POLR3H: variants seen among roughly 807,000 people sequenced by gnomAD.
POLR3H encodes RNA polymerase III subunit H.
Under a neutral mutation model 25.5 loss-of-function variants are expected in POLR3H, and 17 were observed. The observed-to-expected ratio is 0.67, with a 90% CI of 0.46 to 1.00. The LOEUF (loss-of-function observed/expected upper bound fraction) is 1.00, where lower values mean the gene tolerates loss of function less well. POLR3H is among the 50% of genes least tolerant of loss of function. POLR3H has a pLI of 0.00. For missense variants in POLR3H, 274 were observed against 265.0 expected, an observed-to-expected ratio of 1.03 and a Z score of -0.24; for synonymous variants, 129 against 103.0, an observed-to-expected ratio of 1.25 and a Z score of -1.53.
Position 41,527,234 on chromosome 22 carries a change from G to C in POLR3H, c.*2049C>G. ...GAGGCCAGGCAGGTAGGGCCAGACA[G>C]GTGAGGACGGTGCCCTCCTCTGCCT... On this transcript the variant is annotated 3_prime_UTR_variant, in exon 6 of 6. Transcript: ENST00000355209. 6.2e-7 allele frequency: 1 copy of C among 1,613,494 alleles called. No individual in the cohort carries two copies. The highest frequency in any genetic ancestry group is 8.5e-7 in the Non-Finnish European group (1 of 1,179,782).
Position 41,528,494 on chromosome 22 carries a change from A to G in POLR3H, c.*789T>C, listed in dbSNP as rs749666828. 27 of 1,612,172 alleles carry G rather than the reference A, an allele frequency of 1.7e-5. No homozygotes were observed. In the South Asian group the frequency reaches 2.7e-4, roughly 16 times the overall value. ...CTCCTTGCAGCCCCTGAAGTGCATC[A>G]TCAAGCACCCCAACGGGACCCAGGA... On this transcript the variant is annotated 3_prime_UTR_variant, in exon 6 of 6. Transcript: ENST00000355209.
At chr22:41,533,986 A>G (rs996463435) in intron 2 of POLR3H, among the ~76,000 whole-genome samples, 13 of 152,094 alleles carry the variant, frequency 8.5e-5, no homozygotes, top group African/African-American at 3.1e-4. Context: ...CAAAATACAA[A>G]AATTAGCCGG....
At chr22:41,539,689 C>T (rs969210081) in intron 2 of POLR3H, 1 of 152,346 alleles carries the variant, frequency 6.6e-6, no homozygotes, top group African/African-American at 2.4e-5. Context: ...AGTACTTACG[C>T]ACTGAACTTT....
intron 1 of POLR3H, among the ~76,000 whole-genome samples, chr22:41,541,416 A>G (rs1409258535): frequency 1.3e-5 from 2 of 152,190 alleles, no homozygotes; most frequent in Non-Finnish European, 2.9e-5. Context: ...ATGTGCAGAA[A>G]TCCCATGCCC....
At position 41,527,540 on chromosome 22, in the gene POLR3H, C is replaced by T. The variant is rs557670430; in HGVS notation, c.*1743G>A. 1,017 of 1,373,874 alleles carry T rather than the reference C, an allele frequency of 7.4e-4. 9 individuals are homozygous for T. The African/African-American group carries it at 0.013, about 18-fold the overall frequency. The allele number at this position is 1,373,874 out of a possible 1,614,324, so 85.1% of individuals were successfully genotyped here. On this transcript the variant is annotated 3_prime_UTR_variant, in exon 6 of 6. Coordinates refer to ENST00000355209, the MANE Select transcript of POLR3H (RefSeq NM_001018050.4). ...CTGTGTCCACTGCAGCCCACAGGCC[C>T]GTCAGCCTCTTGCCCCTTCTTAGGC...
intron 2 of POLR3H, among the ~76,000 whole-genome samples, chr22:41,533,899 G>A (rs1174601028): frequency 6.6e-6 from 1 of 152,210 alleles, no homozygotes; most frequent in East Asian, 1.9e-4. Flanking sequence ...GGCACTTTGG[G>A]AGGCCGAGGT....
At position 41,532,106 on chromosome 22, in the gene POLR3H, T is replaced by C; in HGVS notation, c.347A>G (p.Gln116Arg). 6.2e-7 allele frequency: 1 copy of C among 1,614,070 alleles called. No homozygotes were observed. Among genetic ancestry groups the C allele is most frequent in the Non-Finnish European group, 8.5e-7 (1 of 1,179,960 alleles). ...CCTTGGAGGATACAACTTGGCTGGC[T>C]GCTGCAGTGACTCTGGGGGGATGAG... ...DILIPPESLQ[Q>R]PAKFDEAEQV... The change falls in exon 4 of 6, where the codon CAG becomes CGG. Residue 116 changes from glutamine (Q) to arginine (R), a missense_variant. By Grantham distance (43) the Gln-to-Arg change is conservative. Transcript: ENST00000355209.
Position 41,543,988 on chromosome 22 carries a change from T to C in POLR3H, c.111+3A>G, listed in dbSNP as rs1435475741. ...GCCTGCCCGCGAGCCGTGGGCCCAG[T>C]ACCTTGTTGGCCAACTTCTTGTTCA... On this transcript the variant is annotated splice_donor_region_variant and intron_variant, in intron 1 of 5. Coordinates refer to ENST00000355209, the MANE Select transcript of POLR3H (RefSeq NM_001018050.4). The C allele has an allele frequency of 6.2e-7, 1 of 1,609,214 alleles. No individual in the cohort carries two copies. The highest frequency in any genetic ancestry group is 8.5e-7 in the Non-Finnish European group (1 of 1,175,786).
At chr22:41,533,306 A>G (rs1400650563) in intron 2 of POLR3H, among the ~76,000 whole-genome samples, 1 of 152,190 alleles carries the variant, frequency 6.6e-6, no homozygotes, top group Non-Finnish European at 1.5e-5. Context: ...CTCTGACCCC[A>G]GGCCCTGGCA....
Position 41,543,939 on chromosome 22 carries a change from C to T in POLR3H, c.111+52G>A, listed in dbSNP as rs371924291. On this transcript the variant is annotated intron_variant, in intron 1 of 5. Coordinates refer to ENST00000355209, the MANE Select transcript of POLR3H (RefSeq NM_001018050.4). The stretch of plus-strand genomic sequence containing the variant: ...CGAGGCCGGGCCTGCGGCCAGTGGG[C>T]GGCGCTCGCTCTCCCACGCCAAGGC... The T allele has an allele frequency of 5.5e-5, 75 of 1,360,240 alleles. No individual in the cohort carries two copies. In the African/African-American group the frequency reaches 8.7e-4, roughly 16 times the overall value. 84.3% of individuals were successfully genotyped at this position (1,360,240 alleles called of 1,614,324 possible).
At chr22:41,543,613 T>A (rs1045565264) in intron 1 of POLR3H, 1 of 373,632 alleles carries the variant, frequency 2.7e-6, no homozygotes, top group Non-Finnish European at 5.2e-6. Flanking sequence ...AGAGCAAGAC[T>A]CCGTCTCAAA....
chr22:41,527,279 G>C lies in POLR3H; in HGVS notation c.*2004C>G, dbSNP rs746996142. Reference sequence around the variant, plus strand: ...CTGCCTTATAACCTTACCCCCGCTTGCCTGACAGAAACATGGCATCAGGTG... The same window carrying C: ...CTGCCTTATAACCTTACCCCCGCTTCCCTGACAGAAACATGGCATCAGGTG... On this transcript the variant is annotated 3_prime_UTR_variant, in exon 6 of 6. Coordinates refer to ENST00000355209, the MANE Select transcript of POLR3H (RefSeq NM_001018050.4). 1.4e-5 allele frequency: 23 copies of C among 1,614,176 alleles called. No homozygotes were observed. In the South Asian group the frequency reaches 2.3e-4, roughly 16 times the overall value.
At chr22:41,529,946 G>A (rs1192448094) in intron 5 of POLR3H, among the ~76,000 whole-genome samples, 3 of 151,674 alleles carry the variant, frequency 2.0e-5, no homozygotes, top group Non-Finnish European at 2.9e-5. Context: ...TAGTAGAGAT[G>A]GGGTTTCACC....
Position 41,526,450 on chromosome 22 carries a change from C to A in POLR3H, c.*2833G>T, listed in dbSNP as rs780679330. 6.2e-7 allele frequency: 1 copy of A among 1,610,840 alleles called. No homozygotes were observed. Among genetic ancestry groups the A allele is most frequent in the Admixed American group, 1.7e-5 (1 of 59,910 alleles). ...CCGTCCCTGACACTGCCCGCTACTA[C>A]AAGGTGGGTCAGAGTTGATAGGGGC... On this transcript the variant is annotated 3_prime_UTR_variant, in exon 6 of 6. Transcript: ENST00000355209.
chr22:41,529,965 C>T (rs371984851), intron 5 of POLR3H, among the ~76,000 whole-genome samples: 7 of 151,936 alleles, frequency 4.6e-5, no homozygotes, highest in South Asian at 2.1e-4. Flanking sequence ...CCGTGTTAGC[C>T]AGGATGGTCT....
In POLR3H at chr22:41,527,590, AGCTTCCCG is replaced by A. The variant is rs1343268964; in HGVS notation, c.*1685_*1692del. 4 of 993,108 alleles carry A rather than the reference AGCTTCCCG, an allele frequency of 4.0e-6. No homozygotes were observed. The highest frequency in any genetic ancestry group is 2.6e-5 in the East Asian group (1 of 38,508). The allele number at this position is 993,108 out of a possible 1,614,324, so 61.5% of individuals were successfully genotyped here. On this transcript the variant is annotated 3_prime_UTR_variant, in exon 6 of 6. Transcript: ENST00000355209. ...CTCACACAGTGCACATCCGACGCTC[AGCTTCCCG>A]GCTTCCCGCAGGCCCTGCTTCCAGG...
intron 5 of POLR3H, 117 bp downstream of exon 5, chr22:41,530,570 C>T (rs1204569570): frequency 2.1e-6 from 2 of 966,654 alleles, no homozygotes; most frequent in East Asian, 2.6e-5. Flanking sequence ...ACCCCCCAAA[C>T]AGGATCCCTG....
intron 2 of POLR3H, among the ~76,000 whole-genome samples, chr22:41,536,922 C>A (rs1005516981): frequency 6.7e-5 from 10 of 149,870 alleles, no homozygotes; most frequent in Admixed American, 4.0e-4. Context: ...TGTCTCTGCA[C>A]CAACTCTAGC....
intron 2 of POLR3H, among the ~76,000 whole-genome samples, chr22:41,536,352 G>A (rs1323204833): frequency 2.0e-5 from 3 of 151,174 alleles, no homozygotes; most frequent in East Asian, 2.0e-4. Context: ...CCGAGATCAC[G>A]CCACTGCACT....
Sources: allele counts gnomAD v4.1 joint callset (sites outside exome capture counted in the v4.1 genomes callset), GRCh38; gene constraint gnomAD v4.1.1; transcripts MANE v1.5; gene names NCBI Gene and HGNC (gene_info 2026-07-23, HGNC 2026-07-21).